EFNA5: variants seen among roughly 807,000 people sequenced by gnomAD.
The protein encoded by EFNA5 is ephrin-A5.
Under a neutral mutation model 22.9 loss-of-function variants are expected in EFNA5, and 5 were observed. The ratio of observed to expected loss-of-function variants is 0.22; its 90% confidence interval spans 0.11 to 0.46. The LOEUF (loss-of-function observed/expected upper bound fraction) is 0.46. Ranked by LOEUF, EFNA5 falls within the 20% of genes least tolerant of loss-of-function variation. EFNA5 has a pLI of 0.99. For synonymous variants in EFNA5, 113 were observed against 112.2 expected (o/e 1.01, Z -0.04); for missense variants, 237 against 293.3 (o/e 0.81, Z 1.40).
intron 1 of EFNA5, among the ~76,000 whole-genome samples, chr5:107,535,028 G>A (rs1164714685): frequency 2.6e-5 from 4 of 151,998 alleles, no homozygotes; most frequent in Admixed American, 6.6e-5. Flanking sequence ...CTTCCTCCAC[G>A]TATGCCTTTT....
At chr5:107,616,644 A>C (rs1361512693) in intron 1 of EFNA5, among the ~76,000 whole-genome samples, 1 of 152,154 alleles carries the variant, frequency 6.6e-6, no homozygotes, top group Non-Finnish European at 1.5e-5. Context: ...TGGACAAAGG[A>C]AGAAAGAAAA....
intron 1 of EFNA5, among the ~76,000 whole-genome samples, chr5:107,587,941 G>A (rs1386271620): frequency 5.9e-5 from 9 of 152,180 alleles, no homozygotes; most frequent in Non-Finnish European, 1.0e-4. Flanking sequence ...GCATGCTAAA[G>A]CAACAACTAC....
chr5:107,406,144 T>G (rs188497610), intron 2 of EFNA5, among the ~76,000 whole-genome samples: 1,765 of 144,946 alleles, frequency 0.012, 33 homozygotes, highest in Non-Finnish European at 0.014. Context: ...TACAAATACA[T>G]GTATTTGTAT....
intron 1 of EFNA5, among the ~76,000 whole-genome samples, chr5:107,537,429 T>C (rs961064424): frequency 2.6e-5 from 4 of 151,822 alleles, no homozygotes; most frequent in Admixed American, 2.0e-4. Context: ...TGAAACCCTG[T>C]CTCTACTAAC....
intron 1 of EFNA5, among the ~76,000 whole-genome samples, chr5:107,564,056 G>A (rs965515034): frequency 5.3e-5 from 8 of 152,044 alleles, no homozygotes; most frequent in East Asian, 1.9e-4. Flanking sequence ...CAAGGATTAC[G>A]CCTGCTATTT....
intron 1 of EFNA5, among the ~76,000 whole-genome samples, chr5:107,448,800 A>G (rs1190864507): frequency 6.6e-6 from 1 of 151,550 alleles, no homozygotes; most frequent in East Asian, 1.9e-4. Context: ...ACTGCACTCC[A>G]GCCTGGGTGA....
rs1747400770 is a variant in EFNA5, at chr5:107,380,217, G to T, written c.*1038C>A. ...CACAGCACACTGGCGCTCCAGCAAA[G>T]CCAAATCATGTCTCCTCTGGCCACT... On this transcript the variant is annotated 3_prime_UTR_variant, in exon 5 of 5. Transcript: ENST00000333274. 6.6e-6 allele frequency: 1 copy of T among 151,978 alleles called. No homozygotes were observed. The highest frequency in any genetic ancestry group is 2.1e-4 in the South Asian group (1 of 4,802). The allele number at this position is 151,978 out of a possible 1,614,324, so 9.4% of individuals were successfully genotyped here. A position where few individuals can be genotyped will look rare whatever the true frequency, so the allele number is the denominator to read the frequency against.
chr5:107,534,357 G>A (rs1161264220), intron 1 of EFNA5, among the ~76,000 whole-genome samples: 2 of 152,178 alleles, frequency 1.3e-5, no homozygotes, highest in South Asian at 4.1e-4. Context: ...AAACACATGA[G>A]CTAAGAGAAA....
intron 1 of EFNA5, among the ~76,000 whole-genome samples, chr5:107,493,971 C>T (rs1746890697): frequency 6.6e-6 from 1 of 151,948 alleles, no homozygotes; most frequent in African/African-American, 2.4e-5. Context: ...CCAGAGTCTG[C>T]ATCCTAAACC....
At chr5:107,580,650 G>A (rs939981253) in intron 1 of EFNA5, among the ~76,000 whole-genome samples, 4 of 149,792 alleles carry the variant, frequency 2.7e-5, no homozygotes, top group African/African-American at 9.9e-5. Context: ...GTGAACTCGG[G>A]AGGCGGAGCT....
chr5:107,561,221 T>C (rs975230310), intron 1 of EFNA5, among the ~76,000 whole-genome samples: 1 of 152,178 alleles, frequency 6.6e-6, no homozygotes, highest in African/African-American at 2.4e-5. Flanking sequence ...TTTAAAGCCA[T>C]GATTTTGGTC....
intron 1 of EFNA5, among the ~76,000 whole-genome samples, chr5:107,593,635 C>G (rs1263315917): frequency 6.6e-6 from 1 of 152,148 alleles, no homozygotes; most frequent in Non-Finnish European, 1.5e-5. Context: ...GGGGTAGGTG[C>G]TAGCATCACC....
chr5:107,529,689 A>G (rs2112450747), intron 1 of EFNA5, among the ~76,000 whole-genome samples: 1 of 152,286 alleles, frequency 6.6e-6, no homozygotes, highest in South Asian at 2.1e-4. Flanking sequence ...TGTTTTAGTA[A>G]CACACCACCT....
intron 1 of EFNA5, among the ~76,000 whole-genome samples, chr5:107,562,836 A>G (rs1748579946): frequency 6.6e-6 from 1 of 152,244 alleles, no homozygotes; most frequent in African/African-American, 2.4e-5. Context: ...GAGCTTATAA[A>G]GCCAAATTAT....
intron 1 of EFNA5, among the ~76,000 whole-genome samples, chr5:107,649,005 A>T (rs897589987): frequency 1.3e-5 from 2 of 152,134 alleles, no homozygotes; most frequent in Non-Finnish European, 2.9e-5. Flanking sequence ...GTTGAAAATG[A>T]CCTCCCAGAA....
At chr5:107,393,813 C>T (rs1484560024) in intron 2 of EFNA5, among the ~76,000 whole-genome samples, 1 of 152,064 alleles carries the variant, frequency 6.6e-6, no homozygotes, top group South Asian at 2.1e-4. Flanking sequence ...AAGAGTAAAG[C>T]CCATTTAAAT....
chr5:107,550,430 T>A lies in EFNA5; in HGVS notation c.125+120059A>T, dbSNP rs630897. Among the ~76,000 whole-genome samples, 1,072 of 152,282 alleles carry A rather than the reference T, an allele frequency of 7.0e-3. 9 individuals are homozygous for A. The highest frequency in any genetic ancestry group is 0.025 in the African/African-American group (1,035 of 41,556). Reference sequence around the variant, plus strand: ...TGAATTTACTCCTCTTTTGACAGTATTGTAGAGGAGAATGATTATGCGCTT... The same window carrying A: ...TGAATTTACTCCTCTTTTGACAGTAATGTAGAGGAGAATGATTATGCGCTT... On this transcript the variant is annotated intron_variant, in intron 1 of 4. Transcript: ENST00000333274.
intron 1 of EFNA5, among the ~76,000 whole-genome samples, chr5:107,525,083 C>A (rs1747668178): frequency 6.6e-6 from 1 of 152,162 alleles, no homozygotes; most frequent in African/African-American, 2.4e-5. Flanking sequence ...ATTTTACATT[C>A]AGATCCAGCA....
At chr5:107,460,342 C>T (rs1347935287) in intron 1 of EFNA5, among the ~76,000 whole-genome samples, 1 of 152,092 alleles carries the variant, frequency 6.6e-6, no homozygotes, top group Admixed American at 6.6e-5. Flanking sequence ...ACCATTTCTG[C>T]TCCATGTCTT....
Sources: gnomAD v4.1 joint callset for allele counts (sites outside exome capture counted in the v4.1 genomes callset) on GRCh38, gnomAD v4.1.1 for gene constraint, MANE v1.5 for transcripts, NCBI Gene and HGNC (gene_info 2026-07-23, HGNC 2026-07-21) for gene names.